CLSTN2: variants seen among roughly 807,000 people sequenced by gnomAD.
CLSTN2 encodes the protein calsyntenin 2, also known as calsyntenin-2.
A neutral mutation model predicts 101.2 loss-of-function variants in CLSTN2; 48 were observed. The observed-to-expected ratio is 0.47, with a 90% CI of 0.38 to 0.60. CLSTN2 has a LOEUF of 0.60. Ranked by LOEUF, CLSTN2 falls within the 20% of genes least tolerant of loss-of-function variation. The probability of loss-of-function intolerance (pLI) is 0.00; values close to 1 mark genes in which losing one functional copy is unlikely to be tolerated. For missense variants in CLSTN2, 1,160 were observed against 1,238.2 expected, an observed-to-expected ratio of 0.94 and a Z score of 0.95; for synonymous variants, 481 against 463.6, an observed-to-expected ratio of 1.04 and a Z score of -0.48.
At chr3:140,129,168 CT>C (rs11337346) in intron 1 of CLSTN2, among the ~76,000 whole-genome samples, 124,456 of 151,270 alleles carry the variant, frequency 0.82, 51,227 homozygotes, top group East Asian at 0.92. Flanking sequence ...ATTCCTACCA[CT>C]TTTTTTTTTA....
At chr3:140,338,506 T>A (rs1253619293) in intron 2 of CLSTN2, among the ~76,000 whole-genome samples, 1 of 152,144 alleles carries the variant, frequency 6.6e-6, no homozygotes, top group African/African-American at 2.4e-5. Flanking sequence ...AGTAATGCCA[T>A]CTTTCCCACA....
At chr3:140,541,407 G>C (rs77600417) in intron 9 of CLSTN2, among the ~76,000 whole-genome samples, 18 of 152,322 alleles carry the variant, frequency 1.2e-4, no homozygotes, top group East Asian at 1.2e-3. Flanking sequence ...TTTCTGTAGG[G>C]TGCTTGGCTG....
chr3:140,481,543 T>C (rs545785146), intron 8 of CLSTN2, among the ~76,000 whole-genome samples: 22 of 152,338 alleles, frequency 1.4e-4, no homozygotes, highest in South Asian at 8.3e-4. Context: ...TTGGGCAGTA[T>C]GGCCATTTTC....
At chr3:140,195,208 G>A (rs1257750697) in intron 2 of CLSTN2, among the ~76,000 whole-genome samples, 1 of 152,210 alleles carries the variant, frequency 6.6e-6, no homozygotes, top group Non-Finnish European at 1.5e-5. Context: ...AAGGTTTTCT[G>A]TCTGCTATGT....
intron 1 of CLSTN2, among the ~76,000 whole-genome samples, chr3:140,121,588 C>T (rs1008619687): frequency 3.9e-5 from 6 of 152,192 alleles, no homozygotes; most frequent in African/African-American, 1.4e-4. Context: ...TAAGAATAAG[C>T]TAAGGTGGAC....
At chr3:140,456,515 C>G in intron 6 of CLSTN2, among the ~76,000 whole-genome samples, 1 of 152,156 alleles carries the variant, frequency 6.6e-6, no homozygotes, top group East Asian at 1.9e-4. Context: ...TTATATAGGC[C>G]AGGCGTAGTG....
chr3:140,132,559 A>G (rs2009539479), intron 1 of CLSTN2, among the ~76,000 whole-genome samples: 1 of 152,178 alleles, frequency 6.6e-6, no homozygotes, highest in Admixed American at 6.5e-5. Flanking sequence ...GTTGTTTAGT[A>G]TGTCTTGGGG....
chr3:140,348,610 G>A (rs141505066), intron 2 of CLSTN2, among the ~76,000 whole-genome samples: 1 of 152,052 alleles, frequency 6.6e-6, no homozygotes, highest in African/African-American at 2.4e-5. Context: ...TCTATCCAAG[G>A]ACTGAAAGAT....
At chr3:140,305,023 G>GAC (rs374893786) in intron 2 of CLSTN2, among the ~76,000 whole-genome samples, 1,565 of 143,130 alleles carry the variant, frequency 0.011, 18 homozygotes, top group African/African-American at 0.024. Flanking sequence ...CACACACAGA[G>GAC]ACACACACAC....
intron 1 of CLSTN2, among the ~76,000 whole-genome samples, chr3:140,151,597 G>A (rs1000603066): frequency 6.6e-6 from 1 of 152,036 alleles, no homozygotes; most frequent in East Asian, 1.9e-4. Context: ...TCCTGCTGTC[G>A]GGAGGATGCC....
chr3:140,357,507 G>T (rs1316721287), intron 2 of CLSTN2, among the ~76,000 whole-genome samples: 2 of 151,886 alleles, frequency 1.3e-5, no homozygotes, highest in Non-Finnish European at 2.9e-5. Context: ...GTGGGGTGGG[G>T]ACAGACCCAC....
At chr3:140,379,987 A>C (rs1576540848) in intron 2 of CLSTN2, among the ~76,000 whole-genome samples, 1 of 152,294 alleles carries the variant, frequency 6.6e-6, no homozygotes, top group South Asian at 2.1e-4. Flanking sequence ...ACTGAGCATA[A>C]AAATTGACAA....
chr3:140,017,016 ACTGTAGG>A (rs1205359970), intron 1 of CLSTN2, among the ~76,000 whole-genome samples: 1 of 152,160 alleles, frequency 6.6e-6, no homozygotes, highest in African/African-American at 2.4e-5. Flanking sequence ...TCTAGAATCA[ACTGTAGG>A]CTAGAATTGA....
intron 1 of CLSTN2, among the ~76,000 whole-genome samples, chr3:139,943,842 G>A (rs1306321180): frequency 6.6e-6 from 1 of 152,178 alleles, no homozygotes; most frequent in Non-Finnish European, 1.5e-5. Context: ...GCCAGGACTG[G>A]AGGTATCTTC....
At chr3:140,390,325 A>G (rs2088099285) in intron 2 of CLSTN2, among the ~76,000 whole-genome samples, 1 of 152,068 alleles carries the variant, frequency 6.6e-6, no homozygotes, top group African/African-American at 2.4e-5. Flanking sequence ...CTTCAGTTCT[A>G]ATTATTTTTT....
At chr3:140,402,097 T>C (rs113120589) in intron 2 of CLSTN2, among the ~76,000 whole-genome samples, 2,220 of 152,328 alleles carry the variant, frequency 0.015, 58 homozygotes, top group African/African-American at 0.051. Flanking sequence ...TCAATGAAAT[T>C]CTTTTTGAAA....
chr3:140,351,289 C>T (rs567175178), intron 2 of CLSTN2, among the ~76,000 whole-genome samples: 1 of 152,208 alleles, frequency 6.6e-6, no homozygotes, highest in South Asian at 2.1e-4. Flanking sequence ...AACATAAGAA[C>T]TGAGATTTTA....
chr3:140,145,229 G>C (rs772296014), intron 1 of CLSTN2, among the ~76,000 whole-genome samples: 1 of 152,214 alleles, frequency 6.6e-6, no homozygotes, highest in Non-Finnish European at 1.5e-5. Flanking sequence ...TAGAGCTCAG[G>C]CTATGTCTTC....
At chr3:140,555,603 G>A (rs575656713) in intron 10 of CLSTN2, among the ~76,000 whole-genome samples, 2 of 152,236 alleles carry the variant, frequency 1.3e-5, no homozygotes, top group South Asian at 4.2e-4. Flanking sequence ...AAAAATCTAT[G>A]TCTCCCTTTC....
Sources: allele counts gnomAD v4.1 joint callset (sites outside exome capture counted in the v4.1 genomes callset), GRCh38; gene constraint gnomAD v4.1.1; transcripts MANE v1.5; gene names NCBI Gene and HGNC (gene_info 2026-07-23, HGNC 2026-07-21).